The following LYPD6 variants were observed in gnomAD, a reference collection of about 807,000 sequenced individuals.
LYPD6 encodes the protein ly6/PLAUR domain-containing protein 6.
Under a neutral mutation model 22.7 loss-of-function variants are expected in LYPD6, and 15 were observed. The observed-to-expected ratio is 0.66, with a 90% CI of 0.44 to 1.02. The LOEUF is 1.02. Among genes scored for constraint, LYPD6 ranks in the 50% least tolerant of loss-of-function variants. The probability of loss-of-function intolerance (pLI) is 0.00; values close to 1 mark genes in which losing one functional copy is unlikely to be tolerated. For missense variants in LYPD6, 189 were observed against 208.4 expected (o/e 0.91, Z 0.57); for synonymous variants, 72 against 77.5 (o/e 0.93, Z 0.37).
intron 1 of LYPD6, among the ~76,000 whole-genome samples, chr2:149,433,838 C>A (rs922609742): frequency 6.6e-6 from 1 of 152,170 alleles, no homozygotes; most frequent in Non-Finnish European, 1.5e-5. Flanking sequence ...GTAAAAATAT[C>A]CATCTCCTTT....
chr2:149,425,527 ATTAAT>A (rs1027872114), intron 1 of LYPD6, among the ~76,000 whole-genome samples: 42 of 152,362 alleles, frequency 2.8e-4, no homozygotes, highest in African/African-American at 9.9e-4. Context: ...TAAGAAAGAA[ATTAAT>A]TTAGATGCAA....
At position 149,437,691 on chromosome 2, in the gene LYPD6, G is replaced by A; in HGVS notation, c.-18G>A. On this transcript the variant is annotated 5_prime_UTR_variant, in exon 2 of 5. It adds an upstream start codon to the 5' untranslated region. Coordinates refer to ENST00000334166, the MANE Select transcript of LYPD6 (RefSeq NM_194317.5). ...GCCCACTCCCAGGCCCTCTGTATGA[G>A]TGACACTTCAGTCTGCCATGGAACC... The A allele has an allele frequency of 1.2e-6, 2 of 1,613,844 alleles. No homozygotes were observed. The highest frequency in any genetic ancestry group is 1.3e-5 in the African/African-American group (1 of 75,028).
intron 1 of LYPD6, among the ~76,000 whole-genome samples, chr2:149,365,376 T>C (rs758340560): frequency 1.3e-5 from 2 of 152,250 alleles, no homozygotes; most frequent in African/African-American, 2.4e-5. Context: ...GTGCAACTTA[T>C]AATCACATGT....
chr2:149,394,930 A>G (rs1459070388), intron 1 of LYPD6, among the ~76,000 whole-genome samples: 1 of 152,174 alleles, frequency 6.6e-6, no homozygotes, highest in Non-Finnish European at 1.5e-5. Flanking sequence ...TCCATTATTC[A>G]CAATTCAAAA....
intron 3 of LYPD6, among the ~76,000 whole-genome samples, chr2:149,457,451 C>T (rs1680987163): frequency 6.6e-6 from 1 of 152,128 alleles, no homozygotes; most frequent in Non-Finnish European, 1.5e-5. Flanking sequence ...GGAGGGAATG[C>T]AGACACCAAC....
chr2:149,404,575 A>G (rs942511995), intron 1 of LYPD6, among the ~76,000 whole-genome samples: 2 of 152,178 alleles, frequency 1.3e-5, no homozygotes, highest in Non-Finnish European at 2.9e-5. Flanking sequence ...ATTTTTGCAC[A>G]TTGATTTTGT....
chr2:149,442,968 A>G (rs1683601816), intron 2 of LYPD6, among the ~76,000 whole-genome samples: 2 of 152,180 alleles, frequency 1.3e-5, no homozygotes, highest in African/African-American at 2.4e-5. Context: ...ACCAAAAATG[A>G]GATAATTTGG....
At chr2:149,366,997 A>G (rs1387723194) in intron 1 of LYPD6, among the ~76,000 whole-genome samples, 1 of 152,154 alleles carries the variant, frequency 6.6e-6, no homozygotes, top group East Asian at 1.9e-4. Flanking sequence ...CGTTTACATG[A>G]TGCTGGCTTC....
intron 1 of LYPD6, among the ~76,000 whole-genome samples, chr2:149,339,311 T>C (rs904996889): frequency 6.6e-6 from 1 of 152,136 alleles, no homozygotes; most frequent in Admixed American, 6.5e-5. Context: ...AGATGAGATC[T>C]ATATTGGACA....
At chr2:149,467,104 A>G (rs1036759314) in intron 3 of LYPD6, among the ~76,000 whole-genome samples, 1 of 152,230 alleles carries the variant, frequency 6.6e-6, no homozygotes, top group African/African-American at 2.4e-5. Flanking sequence ...AATCACTCCA[A>G]TGTTAAGATA....
chr2:149,415,732 T>A (rs950308598), intron 1 of LYPD6, among the ~76,000 whole-genome samples: 7 of 152,100 alleles, frequency 4.6e-5, no homozygotes, highest in Admixed American at 4.6e-4. Flanking sequence ...AGTGGCATGA[T>A]CACGGCTCAC....
chr2:149,379,423 A>G (rs943927941), intron 1 of LYPD6, among the ~76,000 whole-genome samples: 2 of 152,210 alleles, frequency 1.3e-5, no homozygotes, highest in African/African-American at 2.4e-5. Context: ...TTAAGAAAAA[A>G]ATTTTAAAAG....
At chr2:149,446,736 G>A (rs183856448) in intron 2 of LYPD6, among the ~76,000 whole-genome samples, 7 of 152,194 alleles carry the variant, frequency 4.6e-5, no homozygotes, top group East Asian at 3.9e-4. Context: ...AAAAAGTTCC[G>A]ATTACTTGTC....
At position 149,415,593 on chromosome 2, in the gene LYPD6, C is replaced by T. The variant is rs754513999; in HGVS notation, c.-71-22045C>T. ...ACTGCAATGCAGGTCTCACCCTTAA[C>T]GAAGGAGAGAGAGAAGGGAGGAAGG... On this transcript the variant is annotated intron_variant, in intron 1 of 4. Transcript: ENST00000334166. Among the ~76,000 whole-genome samples, 50 of 151,144 alleles carry T rather than the reference C, an allele frequency of 3.3e-4. 1 individual carries two copies. The highest frequency in any genetic ancestry group is 3.4e-3 in the Middle Eastern group (1 of 294).
chr2:149,392,030 G>A (rs984888379), intron 1 of LYPD6, among the ~76,000 whole-genome samples: 2 of 152,192 alleles, frequency 1.3e-5, no homozygotes, highest in African/African-American at 4.8e-5. Context: ...CAAGATCAAG[G>A]TGCCAGCCAA....
chr2:149,377,972 G>C (rs971752447), intron 1 of LYPD6, among the ~76,000 whole-genome samples: 1 of 152,028 alleles, frequency 6.6e-6, no homozygotes, highest in Non-Finnish European at 1.5e-5. Flanking sequence ...TGGGGATCCA[G>C]TAATGAGACA....
chr2:149,481,247 G>A, the LYPD6 span, among the ~76,000 whole-genome samples: 15 of 152,194 alleles, frequency 9.9e-5, no homozygotes, highest in African/African-American at 3.6e-4. Flanking sequence ...CACAACAAGA[G>A]TTAAAATTGA....
intron 1 of LYPD6, among the ~76,000 whole-genome samples, chr2:149,407,795 G>C (rs912736654): frequency 6.6e-6 from 1 of 152,212 alleles, no homozygotes; most frequent in Non-Finnish European, 1.5e-5. Flanking sequence ...TTCCTTTGGA[G>C]GAGGAGAGGC....
chr2:149,352,887 G>A (rs1426146785), intron 1 of LYPD6, among the ~76,000 whole-genome samples: 2 of 152,206 alleles, frequency 1.3e-5, no homozygotes, highest in Non-Finnish European at 2.9e-5. Flanking sequence ...TCTGAAGAAG[G>A]TTTCTTGCAA....
Sources: gnomAD v4.1 joint callset for allele counts (sites outside exome capture counted in the v4.1 genomes callset) on GRCh38, gnomAD v4.1.1 for gene constraint, MANE v1.5 for transcripts, NCBI Gene and HGNC (gene_info 2026-07-23, HGNC 2026-07-21) for gene names.